Variants in CCDC102B observed in about 807,000 individuals in gnomAD.
CCDC102B encodes the protein coiled-coil domain-containing protein 102B.
CCDC102B carries 75 observed loss-of-function variants against 57.4 expected under a neutral mutation model. The observed-to-expected ratio is 1.31, with a 90% CI of 1.08 to 1.58. The LOEUF (loss-of-function observed/expected upper bound fraction) is 1.58, where lower values mean the gene tolerates loss of function less well. Ranked by LOEUF, CCDC102B falls within the 40% of genes most tolerant of loss-of-function variation. CCDC102B has a pLI of 0.00. For missense variants in CCDC102B, 636 were observed against 582.6 expected, an observed-to-expected ratio of 1.09 and a Z score of -0.94; for synonymous variants, 206 against 201.9, an observed-to-expected ratio of 1.02 and a Z score of -0.17.
At chr18:69,049,226 T>C (rs1176039976) in intron 7 of CCDC102B, among the ~76,000 whole-genome samples, 3 of 152,042 alleles carry the variant, frequency 2.0e-5, no homozygotes, top group Non-Finnish European at 4.4e-5. Flanking sequence ...CTGTGTGATG[T>C]TCCCCTCTCT....
chr18:68,799,026 A>G (rs1490800238), intron 1 of CCDC102B, among the ~76,000 whole-genome samples: 2 of 152,030 alleles, frequency 1.3e-5, no homozygotes, highest in Admixed American at 1.3e-4. Context: ...CATCAATACC[A>G]GTTTTTCTGT....
rs775095196 is a variant in CCDC102B at position 68,785,834 on chromosome 18, TA to T, written c.-66-37531del. On this transcript the variant is annotated intron_variant, in intron 2 of 3. Coordinates refer to the CCDC102B transcript ENST00000578970. Reference sequence around the variant, plus strand: ...CTGTGCAGAAGTTCTTTAGTTTAATTAGATCCCATTTGTCAATTTTGGCTTT... The same window carrying T: ...CTGTGCAGAAGTTCTTTAGTTTAATTGATCCCATTTGTCAATTTTGGCTTT... 2.3e-3 allele frequency among the ~76,000 whole-genome samples: 347 copies of T among 151,642 alleles called. 1 individual carries two copies. The highest frequency in any genetic ancestry group is 6.9e-3 in the Middle Eastern group (2 of 290).
chr18:68,724,131 C>T (rs1369386889), intron 2 of CCDC102B, among the ~76,000 whole-genome samples: 2 of 152,112 alleles, frequency 1.3e-5, no homozygotes, highest in South Asian at 2.1e-4. Flanking sequence ...ATGCCTTGGC[C>T]CCTTTTAGCC....
intron 2 of CCDC102B, among the ~76,000 whole-genome samples, chr18:68,738,106 T>C (rs532225242): frequency 6.6e-6 from 1 of 152,266 alleles, no homozygotes; most frequent in Admixed American, 6.5e-5. Context: ...CATGACTCCC[T>C]GTATCTACAA....
chr18:68,956,322 T>TTA (rs537598441), intron 6 of CCDC102B, among the ~76,000 whole-genome samples: 446 of 4,534 alleles, frequency 0.098, 4 homozygotes, highest in South Asian at 0.23. Flanking sequence ...TAGATATATT[T>TTA]TATATATATT....
intron 2 of CCDC102B, among the ~76,000 whole-genome samples, chr18:68,770,200 G>T (rs2034595647): frequency 6.6e-6 from 1 of 152,134 alleles, no homozygotes. Context: ...GAAATCTCTT[G>T]TTAAAGAAAT....
upstream of CCDC102B, among the ~76,000 whole-genome samples, chr18:68,794,330 A>G (rs1357041408): frequency 6.6e-6 from 1 of 152,184 alleles, no homozygotes; most frequent in Non-Finnish European, 1.5e-5. Flanking sequence ...GGCATTAGAA[A>G]TACAAAAGTT....
At chr18:68,898,772 T>A (rs1289673869) in intron 6 of CCDC102B, among the ~76,000 whole-genome samples, 1 of 152,192 alleles carries the variant, frequency 6.6e-6, no homozygotes, top group Non-Finnish European at 1.5e-5. Context: ...CAAATTTTTA[T>A]AAATAAAACA....
intron 6 of CCDC102B, among the ~76,000 whole-genome samples, chr18:69,002,618 T>A (rs1440341540): frequency 1.3e-5 from 2 of 152,208 alleles, no homozygotes; most frequent in Non-Finnish European, 1.5e-5. Flanking sequence ...TGCTTGTTTG[T>A]CTTTTTCCTG....
intron 6 of CCDC102B, among the ~76,000 whole-genome samples, chr18:68,950,411 T>C (rs1165109143): frequency 6.6e-6 from 1 of 152,104 alleles, no homozygotes; most frequent in Non-Finnish European, 1.5e-5. Context: ...GGAGATTTTA[T>C]CTTAGTAATT....
At chr18:68,801,025 G>GTA (rs1316682828) in intron 1 of CCDC102B, among the ~76,000 whole-genome samples, 3 of 151,720 alleles carry the variant, frequency 2.0e-5, no homozygotes, top group African/African-American at 7.3e-5. Context: ...TTTGTTCAAT[G>GTA]TATACATGAT....
intron 6 of CCDC102B, among the ~76,000 whole-genome samples, chr18:68,959,500 G>A (rs28874016): frequency 0.021 from 3,236 of 152,100 alleles, 116 homozygotes; most frequent in African/African-American, 0.074. Context: ...AGTGACCACC[G>A]CCTGGTTATT....
chr18:69,018,625 T>C (rs1300548604), intron 7 of CCDC102B, among the ~76,000 whole-genome samples: 2 of 152,186 alleles, frequency 1.3e-5, no homozygotes, highest in East Asian at 3.8e-4. Context: ...TATTTTTGGG[T>C]ATTTTTGCTA....
intron 2 of CCDC102B, among the ~76,000 whole-genome samples, chr18:68,745,166 A>G (rs1017475186): frequency 1.3e-5 from 2 of 152,042 alleles, no homozygotes; most frequent in African/African-American, 4.8e-5. Flanking sequence ...TTTGAGAAGA[A>G]GTGGGGTGTG....
At chr18:68,967,706 CTGTAT>C (rs2050200923) in intron 6 of CCDC102B, among the ~76,000 whole-genome samples, 2 of 151,996 alleles carry the variant, frequency 1.3e-5, no homozygotes, top group South Asian at 4.1e-4. Flanking sequence ...TGATCAAATG[CTGTAT>C]TGTATTAATT....
At chr18:68,734,064 A>G (rs1425801810) in intron 2 of CCDC102B, among the ~76,000 whole-genome samples, 1 of 152,220 alleles carries the variant, frequency 6.6e-6, no homozygotes, top group Non-Finnish European at 1.5e-5. Flanking sequence ...TTAAGACAAG[A>G]TTTCAAGAGC....
chr18:69,054,121 A>T lies in CCDC102B; in HGVS notation c.1526A>T (p.His509Leu), dbSNP rs749460894. The T allele has an allele frequency of 6.2e-7, 1 of 1,600,774 alleles. No individual in the cohort carries two copies. The highest frequency in any genetic ancestry group is 2.3e-5 in the East Asian group (1 of 44,118). Residue 509 changes from histidine to leucine, a missense_variant, in exon 8 of 8, where the codon CAC (histidine) becomes CTC (leucine). By Grantham distance (99) the His-to-Leu change is moderately conservative. Coordinates refer to ENST00000360242, the MANE Select transcript of CCDC102B (RefSeq NM_024781.3). Reference sequence around the variant, plus strand: ...GAAAACTTAGAGACTGAACTCAGGCACTTGCAAAACTGGTAATTTTTTCAC... The same window carrying T: ...GAAAACTTAGAGACTGAACTCAGGCTCTTGCAAAACTGGTAATTTTTTCAC... ...RNENLETELR[H>L]LQNW
In CCDC102B at chr18:68,742,134, T is replaced by C. The variant is rs1304857297; in HGVS notation, c.-67+25540T>C. 2.0e-5 allele frequency among the ~76,000 whole-genome samples: 3 copies of C among 152,304 alleles called. No individual in the cohort carries two copies. In the East Asian group the frequency reaches 5.8e-4, roughly 29 times the overall value. On this transcript the variant is annotated intron_variant, in intron 2 of 3. Transcript: ENST00000578970. ...AGGCTGGAAATCTGATATCAAGATGTCTCCCGGGATGATTCCTCCTGGAGG... is the reference window on the plus strand; with the variant it reads ...AGGCTGGAAATCTGATATCAAGATGCCTCCCGGGATGATTCCTCCTGGAGG...
chr18:68,854,234 G>A (rs897536539), intron 4 of CCDC102B, among the ~76,000 whole-genome samples: 23 of 151,712 alleles, frequency 1.5e-4, no homozygotes, highest in African/African-American at 5.3e-4. Context: ...CCGAGTAGCT[G>A]GGATTACAGG....
Sources: gnomAD v4.1 joint callset for allele counts (sites outside exome capture counted in the v4.1 genomes callset) on GRCh38, gnomAD v4.1.1 for gene constraint, MANE v1.5 for transcripts, NCBI Gene and HGNC (gene_info 2026-07-23, HGNC 2026-07-21) for gene names.